Variants in TNRC6C observed in about 807,000 individuals in gnomAD.
TNRC6C encodes the protein trinucleotide repeat-containing gene 6C protein.
A neutral mutation model predicts 153.7 loss-of-function variants in TNRC6C; 20 were observed. The observed-to-expected ratio is 0.13, with a 90% CI of 0.09 to 0.19. TNRC6C has a LOEUF of 0.19. Among genes scored for constraint, TNRC6C ranks in the 10% least tolerant of loss-of-function variants. TNRC6C has a pLI of 1.00. For synonymous variants in TNRC6C, 811 were observed against 841.4 expected (o/e 0.96, Z 0.63); for missense variants, 1,987 against 2,172.0 (o/e 0.91, Z 1.69).
chr17:78,044,956 C>T (rs530102201), intron 2 of TNRC6C, among the ~76,000 whole-genome samples: 3 of 152,288 alleles, frequency 2.0e-5, no homozygotes, highest in Admixed American at 2.0e-4. Context: ...TGAGCCCAGG[C>T]AGGGGATGGC....
chr17:78,020,356 T>A (rs182169990), intron 1 of TNRC6C, among the ~76,000 whole-genome samples: 60 of 152,304 alleles, frequency 3.9e-4, no homozygotes, highest in African/African-American at 1.3e-3. Flanking sequence ...CTTTGTGGCA[T>A]TTTTTTCTGT....
At chr17:78,095,339 A>C (rs940484194) in intron 16 of TNRC6C, among the ~76,000 whole-genome samples, 1 of 152,214 alleles carries the variant, frequency 6.6e-6, no homozygotes, top group African/African-American at 2.4e-5. Context: ...TGCCCAGTTA[A>C]GGAGATCAAC....
At chr17:78,100,702 T>C (rs912748286) in intron 17 of TNRC6C, among the ~76,000 whole-genome samples, 2 of 151,930 alleles carry the variant, frequency 1.3e-5, no homozygotes, top group African/African-American at 4.8e-5. Flanking sequence ...GGGATTAACA[T>C]GCAGCTCCTC....
intron 1 of TNRC6C, among the ~76,000 whole-genome samples, chr17:77,999,134 A>C (rs971193107): frequency 4.6e-5 from 7 of 152,232 alleles, no homozygotes; most frequent in Non-Finnish European, 7.3e-5. Context: ...AGGTGAGCCC[A>C]AAATGGTGAA....
rs780824926 is a variant in TNRC6C, at chr17:78,067,747, C to G, written c.2612-10C>G. On this transcript the variant is annotated splice_polypyrimidine_tract_variant and intron_variant, in intron 4 of 19. Transcript: ENST00000301624. ...TGAATTTGATAAGTTCATGTTTGCT[C>G]TGTTTCTAGCTTCAAAATCTATGCA... is the stretch of plus-strand genomic sequence containing the variant. 1 of 1,599,584 alleles carries G rather than the reference C, an allele frequency of 6.3e-7. No homozygotes were observed. The highest frequency in any genetic ancestry group is 8.5e-7 in the Non-Finnish European group (1 of 1,174,816).
At chr17:77,966,384 C>T (rs2070896948) in intron 1 of TNRC6C, among the ~76,000 whole-genome samples, 1 of 152,096 alleles carries the variant, frequency 6.6e-6, no homozygotes, top group Non-Finnish European at 1.5e-5. Flanking sequence ...GCTGTCTGTG[C>T]AAGGTGATGC....
At chr17:78,080,026 A>C (rs1408367226) in intron 10 of TNRC6C, among the ~76,000 whole-genome samples, 4 of 152,274 alleles carry the variant, frequency 2.6e-5, no homozygotes, top group Non-Finnish European at 5.9e-5. Context: ...GTGATCTCAT[A>C]TAATAGTGTA....
chr17:78,006,663 T>C (rs150643900), intron 1 of TNRC6C, among the ~76,000 whole-genome samples: 7 of 151,122 alleles, frequency 4.6e-5, no homozygotes, highest in African/African-American at 1.5e-4. Context: ...TCTGGTTTAG[T>C]ACCAGCTATA....
chr17:78,023,476 T>C (rs2071875328), intron 1 of TNRC6C, among the ~76,000 whole-genome samples: 1 of 152,166 alleles, frequency 6.6e-6, no homozygotes. Flanking sequence ...AGAACCAATA[T>C]TCCTAGCTTC....
intron 1 of TNRC6C, among the ~76,000 whole-genome samples, chr17:77,987,823 G>T (rs76187705): frequency 6.6e-6 from 1 of 152,042 alleles, no homozygotes; most frequent in East Asian, 1.9e-4. Flanking sequence ...GGGATTACAG[G>T]CATACACCAC....
intron 17 of TNRC6C, 109 bp downstream of exon 20, chr17:78,098,646 G>A: frequency 7.7e-7 from 1 of 1,306,854 alleles, no homozygotes. Flanking sequence ...TAACTCTGGA[G>A]CCTGGGAGGG....
chr17:78,050,195 G>C (rs752028839), exon 3 of TNRC6C: 2 of 1,543,836 alleles, frequency 1.3e-6, no homozygotes, highest in Non-Finnish European at 8.7e-7. Context: ...GTACAGCCTG[G>C]TGGTGAACAC....
At chr17:78,045,277 T>G (rs1345254843) in intron 2 of TNRC6C, among the ~76,000 whole-genome samples, 1 of 152,146 alleles carries the variant, frequency 6.6e-6, no homozygotes, top group African/African-American at 2.4e-5. Flanking sequence ...TGGAAAAGGT[T>G]CTAGAAATAC....
At chr17:78,069,715 A>G (rs1018595737) in intron 5 of TNRC6C, among the ~76,000 whole-genome samples, 1 of 152,240 alleles carries the variant, frequency 6.6e-6, no homozygotes, top group African/African-American at 2.4e-5. Flanking sequence ...ACTAAAAGGA[A>G]ATTCTATCTA....
At chr17:78,073,466 C>T (rs971832496) in intron 7 of TNRC6C, among the ~76,000 whole-genome samples, 6 of 152,224 alleles carry the variant, frequency 3.9e-5, no homozygotes, top group African/African-American at 1.2e-4. Context: ...CCACCAGAAG[C>T]GTTGCCTTGC....
intron 1 of TNRC6C, among the ~76,000 whole-genome samples, chr17:78,016,214 G>A (rs924950724): frequency 6.6e-6 from 1 of 152,176 alleles, no homozygotes; most frequent in African/African-American, 2.4e-5. Flanking sequence ...GTCAGGAAGC[G>A]GCACTAACAC....
At chr17:78,078,916 C>A (rs189883707) in intron 9 of TNRC6C, among the ~76,000 whole-genome samples, 4,323 of 152,218 alleles carry the variant, frequency 0.028, 93 homozygotes, top group Non-Finnish European at 0.043. Flanking sequence ...CATGGTGAAA[C>A]CCCGTCTCTA....
chr17:77,977,917 G>A (rs2071023991), intron 1 of TNRC6C, among the ~76,000 whole-genome samples: 3 of 130,346 alleles, frequency 2.3e-5, no homozygotes, highest in South Asian at 2.4e-4. Context: ...TTTTTTTGAG[G>A]CAGAGTCTCG....
chr17:78,006,495 C>CTTCTTCTTCTTCT (rs2071501706), intron 1 of TNRC6C, among the ~76,000 whole-genome samples: 2 of 4,674 alleles, frequency 4.3e-4, no homozygotes, highest in South Asian at 0.021. Context: ...CTTCTTCTTT[C>CTTCTTCTTCTTCT]TTCTTCTTCT....
Sources: allele counts gnomAD v4.1 joint callset (sites outside exome capture counted in the v4.1 genomes callset), GRCh38; gene constraint gnomAD v4.1.1; transcripts MANE v1.5; gene names NCBI Gene and HGNC (gene_info 2026-07-23, HGNC 2026-07-21).